The following PCDHGA2 variants were observed in gnomAD, a reference collection of about 807,000 sequenced individuals.
PCDHGA2 encodes the protein protocadherin gamma subfamily A, 2, also known as protocadherin gamma-A2.
In PCDHGA2, 40 loss-of-function variants were observed where a neutral mutation model predicts 59.2. The ratio of observed to expected loss-of-function variants is 0.68; its 90% confidence interval spans 0.52 to 0.88. The LOEUF (loss-of-function observed/expected upper bound fraction) is 0.88. Among genes scored for constraint, PCDHGA2 ranks in the 40% least tolerant of loss-of-function variants. The pLI, the probability that PCDHGA2 is intolerant of heterozygous loss-of-function variation, is 0.00. For missense variants in PCDHGA2, 1,226 were observed against 1,204.0 expected (o/e 1.02, Z -0.27); for synonymous variants, 560 against 526.0 (o/e 1.06, Z -0.89).
chr5:141,339,779 G>C lies in PCDHGA2; in HGVS notation c.808G>C (p.Asp270His), dbSNP rs1415797229. 5 of 1,614,218 alleles carry C rather than the reference G, an allele frequency of 3.1e-6. No homozygotes were observed. The highest frequency in any genetic ancestry group is 1.1e-5 in the South Asian group (1 of 91,082). ...ACTCACGGTGACCGCCACTGACGCA[G>C]ATGAGGGCTACTACGCTCAAGTGGT... ...RILTVTATDA[D>H]EGYYAQVVYF... is the part of the protein sequence containing the mutation. The change falls in exon 1 of 4, where the codon GAT becomes CAT. Residue 270 changes from aspartate (D) to histidine (H), a missense_variant. Coordinates refer to ENST00000394576, the MANE Select transcript of PCDHGA2 (RefSeq NM_018915.4).
At chr5:141,445,767 T>C (rs2098476828) in intron 1 of PCDHGA2, among the ~76,000 whole-genome samples, 1 of 152,142 alleles carries the variant, frequency 6.6e-6, no homozygotes, top group African/African-American at 2.4e-5. Flanking sequence ...ACTCAAGCAA[T>C]TTAAAAGGGC....
chr5:141,404,984 C>A (rs779919758), intron 1 of PCDHGA2: 1 of 1,614,034 alleles, frequency 6.2e-7, no homozygotes, highest in Middle Eastern at 1.6e-4. Flanking sequence ...CCTGGGCAGT[C>A]TTCAGATCCC....
Position 141,410,164 on chromosome 5 carries a change from C to T in PCDHGA2, c.2424+68769C>T, listed in dbSNP as rs756470415. The T allele has an allele frequency of 4.4e-5, 71 of 1,613,642 alleles. No homozygotes were observed. The highest frequency in any genetic ancestry group is 5.8e-5 in the Non-Finnish European group (69 of 1,179,812). On this transcript the variant is annotated intron_variant, in intron 1 of 3. Transcript: ENST00000394576. ...TGCGTGACGGTGGACAGCCGCCACTCTCTGCCACCGCCACGCTTCATCTGG... is the reference window on the plus strand; with the variant it reads ...TGCGTGACGGTGGACAGCCGCCACTTTCTGCCACCGCCACGCTTCATCTGG...
chr5:141,345,785 C>G (rs540850539), intron 1 of PCDHGA2: 21 of 1,613,918 alleles, frequency 1.3e-5, no homozygotes, highest in South Asian at 2.2e-5. Flanking sequence ...CCGCAGAGCC[C>G]GGCTACCTGG....
intron 1 of PCDHGA2, chr5:141,361,840 C>T: frequency 6.2e-7 from 1 of 1,612,726 alleles, no homozygotes; most frequent in South Asian, 1.1e-5. Context: ...CGCGCTGGGG[C>T]CTGATGGCTC....
intron 1 of PCDHGA2, chr5:141,418,432 T>C (rs954268296): frequency 1.9e-6 from 3 of 1,613,838 alleles, no homozygotes; most frequent in African/African-American, 1.3e-5. Context: ...GTGGCAAATA[T>C]CCAGAATTAG....
At chr5:141,414,681 G>T (rs780836649) in intron 1 of PCDHGA2, 2 of 1,613,836 alleles carry the variant, frequency 1.2e-6, no homozygotes, top group Non-Finnish European at 8.5e-7. Flanking sequence ...CCATCCAGGG[G>T]GTACCTCTGT....
intron 1 of PCDHGA2, chr5:141,417,855 G>A: frequency 6.5e-7 from 1 of 1,544,918 alleles, no homozygotes. Context: ...GAACCCGAGC[G>A]AACGATGGGA....
At chr5:141,405,420 T>A in intron 1 of PCDHGA2, 1 of 1,509,592 alleles carries the variant, frequency 6.6e-7, no homozygotes, top group Non-Finnish European at 9.0e-7. Flanking sequence ...TTTTTGTTTT[T>A]TGTTTTGTTT....
At chr5:141,409,524 A>AT (rs1357085904) in intron 1 of PCDHGA2, 9 of 1,613,854 alleles carry the variant, frequency 5.6e-6, no homozygotes, top group Non-Finnish European at 6.8e-6. Context: ...ATCACCTTGT[A>AT]TGTCGCTGAC....
intron 1 of PCDHGA2, chr5:141,423,833 T>G: frequency 1.8e-5 from 23 of 1,262,362 alleles, no homozygotes; most frequent in East Asian, 7.3e-5. Flanking sequence ...TTCATGAGAT[T>G]ACGATAATCT....
chr5:141,377,011 C>T (rs911303450), intron 1 of PCDHGA2: 6 of 155,270 alleles, frequency 3.9e-5, no homozygotes, highest in Non-Finnish European at 5.7e-5. Context: ...TATTGGTTGA[C>T]AGGAAAATTC....
chr5:141,410,778 G>T, intron 1 of PCDHGA2: 3 of 818,726 alleles, frequency 3.7e-6, no homozygotes, highest in Non-Finnish European at 3.4e-6. Flanking sequence ...TTTTCACTAT[G>T]TATTTGGTTC....
In PCDHGA2 at chr5:141,409,580, C is replaced by T. The variant is rs969743613; in HGVS notation, c.2424+68185C>T. The T allele has an allele frequency of 3.7e-6, 6 of 1,613,922 alleles. No homozygotes were observed. The Admixed American group carries it at 8.3e-5, about 22-fold the overall frequency. The stretch of plus-strand genomic sequence containing the variant: ...TTTCGACCAGACGTCCTACGTGGTC[C>T]ACGTGGCCGAGAACAACCCGCCAGG... On this transcript the variant is annotated intron_variant, in intron 1 of 3. Transcript: ENST00000394576.
chr5:141,477,453 A>G lies in PCDHGA2; in HGVS notation c.2425-17354A>G, dbSNP rs886363658. 1 of 1,614,018 alleles carries G rather than the reference A, an allele frequency of 6.2e-7. No homozygotes were observed. Among genetic ancestry groups the G allele is most frequent in the African/African-American group, 1.3e-5 (1 of 74,910 alleles). The stretch of plus-strand genomic sequence containing the variant: ...TCAGCCCTTACAATAGTGCGTGTTC[A>G]AGTGTCCGACATCAATGACAACCCT... On this transcript the variant is annotated intron_variant, in intron 1 of 3. Coordinates refer to ENST00000394576, the MANE Select transcript of PCDHGA2 (RefSeq NM_018915.4). This position sits in a 1 kb window ranked among gnomAD's most constrained non-coding sequence, Gnocchi z 4.9.
At chr5:141,393,523 A>G in intron 1 of PCDHGA2, 1 of 1,614,018 alleles carries the variant, frequency 6.2e-7, no homozygotes, top group East Asian at 2.2e-5. Flanking sequence ...GATACAAATG[A>G]CAATGCCCCG....
chr5:141,477,344 A>C lies in PCDHGA2; in HGVS notation c.2425-17463A>C. On this transcript the variant is annotated intron_variant, in intron 1 of 3. Coordinates refer to ENST00000394576, the MANE Select transcript of PCDHGA2 (RefSeq NM_018915.4). The surrounding 1 kb of genome is among the most constrained non-coding windows in gnomAD (Gnocchi z 4.9). Reference sequence around the variant, plus strand: ...TTCCCTCAAGAATTACTTCACTTTGAAAACCAGTGCAGACCTGGATCGGGA... The same window carrying C: ...TTCCCTCAAGAATTACTTCACTTTGCAAACCAGTGCAGACCTGGATCGGGA... 6.2e-7 allele frequency: 1 copy of C among 1,614,154 alleles called. No homozygotes were observed. The highest frequency in any genetic ancestry group is 8.5e-7 in the Non-Finnish European group (1 of 1,180,034).
At position 141,505,417 on chromosome 5, in the gene PCDHGA2, C is replaced by T; in HGVS notation, c.2508C>T (p.Gly836=). The change falls in exon 3 of 4, where the codon GGC becomes GGT. Residue 836 remains glycine, a synonymous_variant. Coordinates refer to ENST00000394576, the MANE Select transcript of PCDHGA2 (RefSeq NM_018915.4). ...TSGSQNGDDT[G]TWPNNQFDTE... is the part of the protein sequence containing the mutation. ...GCTCCCAAAATGGCGATGACACCGG[C>T]ACCTGGCCCAACAACCAGTTTGACA... 1 of 1,614,212 alleles carries T rather than the reference C, an allele frequency of 6.2e-7. No individual in the cohort carries two copies. Among genetic ancestry groups the T allele is most frequent in the Non-Finnish European group, 8.5e-7 (1 of 1,180,024 alleles).
intron 1 of PCDHGA2, chr5:141,397,846 A>C: frequency 1.9e-6 from 1 of 528,462 alleles, no homozygotes; most frequent in South Asian, 3.1e-5. Flanking sequence ...GAAGCCGCAG[A>C]GGCTGTAGTT....
Sources: allele counts gnomAD v4.1 joint callset (sites outside exome capture counted in the v4.1 genomes callset), GRCh38; gene constraint gnomAD v4.1.1; non-coding constraint Gnocchi (gnomAD v3.1); transcripts MANE v1.5; gene names NCBI Gene and HGNC (gene_info 2026-07-23, HGNC 2026-07-21).